The following PCDHAC2 variants were observed in gnomAD, a reference collection of about 807,000 sequenced individuals.
PCDHAC2 encodes the protein protocadherin alpha-C2.
A neutral mutation model predicts 63.3 loss-of-function variants in PCDHAC2; 24 were observed. The observed-to-expected ratio is 0.38, with a 90% CI of 0.27 to 0.53. PCDHAC2 has a LOEUF of 0.53. Ranked by LOEUF, PCDHAC2 falls within the 20% of genes least tolerant of loss-of-function variation. The pLI is 0.81. For missense variants in PCDHAC2, 1,181 were observed against 1,275.2 expected, an observed-to-expected ratio of 0.93 and a Z score of 1.12; for synonymous variants, 569 against 529.4, an observed-to-expected ratio of 1.07 and a Z score of -1.03.
rs551606343 is a variant in PCDHAC2 at position 140,977,430 on chromosome 5, G to A, written c.2566-1519G>A. Among the ~76,000 whole-genome samples, 14 of 152,252 alleles carry A rather than the reference G, an allele frequency of 9.2e-5. No homozygotes were observed. The South Asian group carries it at 2.5e-3, about 27-fold the overall frequency. The stretch of plus-strand genomic sequence containing the variant: ...ATTTTCTTTTGTTCCCTCTAACACC[G>A]CTAGTAGATAATGGAAACTCCTTTG... On this transcript the variant is annotated intron_variant, in intron 1 of 3. Coordinates refer to ENST00000289269, the MANE Select transcript of PCDHAC2 (RefSeq NM_018899.6).
At position 140,966,880 on chromosome 5, in the gene PCDHAC2, C is replaced by T. The variant is rs1554228837; in HGVS notation, c.114C>T (p.Gly38=). ...LLLLLLLLLP[G]PAASQLRYSV... ...TGCTGTTGCTGCTGCTGCTACCTGG[C>T]CCTGCGGCCTCCCAGCTGCGATACT... The change falls in exon 1 of 4, where the codon GGC becomes GGT. Residue 38 remains glycine, a synonymous_variant. Transcript: ENST00000289269. 2 of 1,588,288 alleles carry T rather than the reference C, an allele frequency of 1.3e-6. No homozygotes were observed. The highest frequency in any genetic ancestry group is 3.5e-5 in the Admixed American group (2 of 57,118).
Position 140,979,960 on chromosome 5 carries a change from C to T in PCDHAC2, c.2624+953C>T, listed in dbSNP as rs2096871601. 2.0e-5 allele frequency among the ~76,000 whole-genome samples: 3 copies of T among 152,266 alleles called. No homozygotes were observed. The South Asian group carries it at 6.2e-4, about 32-fold the overall frequency. ...AGAGTTAATGTGAAATTAGTTTTAG[C>T]CCATTAAAATGCATTAGATTGAAAT... On this transcript the variant is annotated intron_variant, in intron 2 of 3. Coordinates refer to ENST00000289269, the MANE Select transcript of PCDHAC2 (RefSeq NM_018899.6).
intron 2 of PCDHAC2, among the ~76,000 whole-genome samples, chr5:140,981,053 A>T (rs1422870263): frequency 6.6e-6 from 1 of 152,206 alleles, no homozygotes; most frequent in Non-Finnish European, 1.5e-5. Flanking sequence ...AGATAATTCT[A>T]GAGTGTAGAC....
chr5:140,968,638 A>T lies in PCDHAC2; in HGVS notation c.1872A>T (p.Leu624=). The stretch of plus-strand genomic sequence containing the variant: ...AAAATGCTTGGCTTTTTTACCATCT[A>T]GCCCAGACTTCTGACCTGGACCTCT... ...SGQNAWLFYH[L]AQTSDLDLFK... is the part of the protein sequence containing the mutation. Residue 624 remains leucine (L), a synonymous_variant, in exon 1 of 4, where the codon CTA becomes CTT. Transcript: ENST00000289269. 6.2e-7 allele frequency: 1 copy of T among 1,614,184 alleles called. No homozygotes were observed. The highest frequency in any genetic ancestry group is 8.5e-7 in the Non-Finnish European group (1 of 1,180,040).
At chr5:141,008,356 A>G (rs1440951671) in intron 3 of PCDHAC2, among the ~76,000 whole-genome samples, 1 of 152,204 alleles carries the variant, frequency 6.6e-6, no homozygotes, top group Non-Finnish European at 1.5e-5. Context: ...CGTGTCAACC[A>G]AAGGAGCAGT....
intron 3 of PCDHAC2, among the ~76,000 whole-genome samples, chr5:140,983,949 T>TA (rs1554245835): frequency 1.3e-5 from 2 of 152,176 alleles, no homozygotes. Flanking sequence ...ACAATTCAAC[T>TA]AAAAGTCACA....
chr5:141,002,271 T>C (rs942626808), intron 3 of PCDHAC2, among the ~76,000 whole-genome samples: 3 of 152,220 alleles, frequency 2.0e-5, no homozygotes, highest in African/African-American at 7.2e-5. Context: ...CCAGAGCTGG[T>C]AACAAAGGGA....
chr5:141,010,312 G>C lies in PCDHAC2; in HGVS notation c.*375G>C. On this transcript the variant is annotated 3_prime_UTR_variant, in exon 4 of 4. Transcript: ENST00000289269. ...TGCAGGGCAGGCTGAAAAGTTTTGA[G>C]ATTGAGCAGCTTGGGAGTTTGTGGC... is the stretch of plus-strand genomic sequence containing the variant. 1 of 1,547,400 alleles carries C rather than the reference G, an allele frequency of 6.5e-7. No individual in the cohort carries two copies. The highest frequency in any genetic ancestry group is 8.7e-7 in the Non-Finnish European group (1 of 1,145,752).
chr5:140,985,739 C>CTTTT (rs11372071), intron 3 of PCDHAC2, among the ~76,000 whole-genome samples: 9 of 117,918 alleles, frequency 7.6e-5, no homozygotes, highest in East Asian at 2.5e-4. Flanking sequence ...TGATGAATTC[C>CTTTT]TTTTTTTTTT....
intron 2 of PCDHAC2, chr5:140,982,271 G>A: frequency 1.1e-6 from 1 of 930,566 alleles, no homozygotes; most frequent in South Asian, 1.9e-5. Flanking sequence ...TCCTGGAATA[G>A]TATAGCAGGC....
At chr5:140,987,952 C>T (rs1176597775) in intron 3 of PCDHAC2, among the ~76,000 whole-genome samples, 1 of 152,128 alleles carries the variant, frequency 6.6e-6, no homozygotes, top group African/African-American at 2.4e-5. Flanking sequence ...TCTGACAAAA[C>T]CAACTCCCCA....
chr5:141,000,136 G>A (rs2097893947), intron 3 of PCDHAC2, among the ~76,000 whole-genome samples: 2 of 152,034 alleles, frequency 1.3e-5, no homozygotes, highest in South Asian at 4.1e-4. Flanking sequence ...TTCACAAGAA[G>A]TAAACAAAAC....
At chr5:140,986,135 A>G (rs2097188048) in intron 3 of PCDHAC2, among the ~76,000 whole-genome samples, 1 of 152,256 alleles carries the variant, frequency 6.6e-6, no homozygotes, top group Non-Finnish European at 1.5e-5. Flanking sequence ...GAAAGGATCA[A>G]CAAGGGCATC....
At position 140,976,656 on chromosome 5, in the gene PCDHAC2, C is replaced by T. The variant is rs551402825; in HGVS notation, c.2566-2293C>T. ...AATCAGACAAGTAATTTAATCTCTC[C>T]AAAGTTCAGATGTCTCATTTTTGCA... is the stretch of plus-strand genomic sequence containing the variant. On this transcript the variant is annotated intron_variant, in intron 1 of 3. Transcript: ENST00000289269. Among the ~76,000 whole-genome samples the T allele has an allele frequency of 3.3e-5, 5 of 152,272 alleles. No homozygotes were observed. The South Asian group carries it at 1.0e-3, about 32-fold the overall frequency.
chr5:141,010,438 CAAAT>C lies in PCDHAC2; in HGVS notation c.*505_*508del, dbSNP rs2098417279. On this transcript the variant is annotated 3_prime_UTR_variant, in exon 4 of 4. Transcript: ENST00000289269. ...TACAAGGAAGGCAAGAAAACAAAGA[CAAAT>C]AAACAGCGGAAGTTATCAGTATGGA... 2.0e-6 allele frequency: 2 copies of C among 998,926 alleles called. No homozygotes were observed. The highest frequency in any genetic ancestry group is 2.8e-6 in the Non-Finnish European group (2 of 704,790). The allele number at this position is 998,926 out of a possible 1,614,324, so 61.9% of individuals were successfully genotyped here.
At chr5:140,976,007 A>G (rs546477565) in intron 1 of PCDHAC2, among the ~76,000 whole-genome samples, 55 of 152,354 alleles carry the variant, frequency 3.6e-4, no homozygotes, top group African/African-American at 1.3e-3. Flanking sequence ...TAAGTATTAA[A>G]GAACTAAATA....
intron 2 of PCDHAC2, among the ~76,000 whole-genome samples, chr5:140,980,943 T>C (rs573281233): frequency 1.6e-4 from 25 of 152,172 alleles, no homozygotes; most frequent in Non-Finnish European, 3.1e-4. Context: ...CTGAGCTGGC[T>C]CCAGGATAGT....
rs1042081336 is a variant in PCDHAC2, at chr5:140,967,144, C to T, written c.378C>T (p.His126=). 5.6e-6 allele frequency: 9 copies of T among 1,611,144 alleles called. No homozygotes were observed. Among genetic ancestry groups the T allele is most frequent in the Non-Finnish European group, 7.6e-6 (9 of 1,177,946 alleles). ...RCLLSLEVLA[H]NPVAVSAVEV... is the part of the protein sequence containing the mutation. ...TGCTCAGCTTGGAAGTGCTGGCGCA[C>T]AACCCCGTGGCGGTGAGCGCCGTTG... Residue 126 remains histidine (H), a synonymous_variant, in exon 1 of 4, where the codon CAC becomes CAT. Transcript: ENST00000289269.
At chr5:141,000,103 G>A (rs551643743) in intron 3 of PCDHAC2, among the ~76,000 whole-genome samples, 15 of 152,186 alleles carry the variant, frequency 9.9e-5, no homozygotes, top group Admixed American at 5.2e-4. Context: ...GCTCAACTCC[G>A]TCTCTTCCCT....
Sources: gnomAD v4.1 joint callset for allele counts (sites outside exome capture counted in the v4.1 genomes callset) on GRCh38, gnomAD v4.1.1 for gene constraint, MANE v1.5 for transcripts, NCBI Gene and HGNC (gene_info 2026-07-23, HGNC 2026-07-21) for gene names.